The following FMN2 variants were observed in gnomAD, a reference collection of about 807,000 sequenced individuals.
FMN2 encodes formin 2, also known as formin-2.
FMN2 carries 51 observed loss-of-function variants against 142.3 expected under a neutral mutation model. The observed-to-expected ratio is 0.36, with a 90% CI of 0.29 to 0.45. The LOEUF (loss-of-function observed/expected upper bound fraction) is 0.45, where lower values mean the gene tolerates loss of function less well. Ranked by LOEUF, FMN2 falls within the 20% of genes least tolerant of loss-of-function variation. FMN2 has a pLI of 1.00. For missense variants in FMN2, 1,936 were observed against 2,122.8 expected, an observed-to-expected ratio of 0.91 and a Z score of 1.73; for synonymous variants, 882 against 869.8, an observed-to-expected ratio of 1.01 and a Z score of -0.25.
intron 2 of FMN2, among the ~76,000 whole-genome samples, chr1:240,135,608 A>C (rs759681367): frequency 1.3e-5 from 2 of 152,058 alleles, no homozygotes; most frequent in Non-Finnish European, 1.5e-5. Flanking sequence ...GTGAAGTAGA[A>C]GGCTTTCAAT....
chr1:240,234,016 T>C (rs549644826), intron 6 of FMN2, among the ~76,000 whole-genome samples: 23 of 152,306 alleles, frequency 1.5e-4, no homozygotes, highest in South Asian at 6.2e-4. Context: ...GTTGGAAGGA[T>C]AGAATTTTTG....
chr1:240,243,130 G>GA (rs145296927), intron 6 of FMN2, among the ~76,000 whole-genome samples: 59 of 146,384 alleles, frequency 4.0e-4, no homozygotes, highest in South Asian at 6.5e-4. Flanking sequence ...GGAGTAGACC[G>GA]AAAAAAAAAA....
At chr1:240,219,939 G>C (rs1057085084) in intron 6 of FMN2, among the ~76,000 whole-genome samples, 1 of 152,150 alleles carries the variant, frequency 6.6e-6, no homozygotes, top group Non-Finnish European at 1.5e-5. Context: ...GATTAGAAGC[G>C]TGAGCCACCA....
chr1:240,434,983 C>T (rs999990922), intron 15 of FMN2, among the ~76,000 whole-genome samples: 4 of 152,062 alleles, frequency 2.6e-5, no homozygotes, highest in African/African-American at 9.7e-5. Context: ...CTTATTCTTT[C>T]ACCATGGCCA....
intron 14 of FMN2, among the ~76,000 whole-genome samples, chr1:240,367,103 T>G (rs763707375): frequency 1.2e-4 from 19 of 152,200 alleles, no homozygotes; most frequent in Non-Finnish European, 2.2e-4. Context: ...GATTTTATTT[T>G]TTTTAGTTGT....
At chr1:240,400,334 A>C (rs972773737) in intron 15 of FMN2, among the ~76,000 whole-genome samples, 6 of 152,184 alleles carry the variant, frequency 3.9e-5, no homozygotes, top group Non-Finnish European at 5.9e-5. Flanking sequence ...AACTCAGCGC[A>C]ACCGCTGGCC....
intron 2 of FMN2, among the ~76,000 whole-genome samples, chr1:240,123,877 G>A (rs1458796770): frequency 6.6e-6 from 1 of 152,136 alleles, no homozygotes; most frequent in Non-Finnish European, 1.5e-5. Context: ...CTGTCTCTAT[G>A]AATCTGACTA....
chr1:240,323,596 C>A (rs902472471), intron 8 of FMN2, among the ~76,000 whole-genome samples: 3 of 152,192 alleles, frequency 2.0e-5, no homozygotes, highest in Non-Finnish European at 2.9e-5. Flanking sequence ...AAGTTGAGAT[C>A]ATCCACGTGA....
intron 8 of FMN2, among the ~76,000 whole-genome samples, chr1:240,323,329 G>A (rs1480867400): frequency 3.9e-5 from 6 of 151,994 alleles, no homozygotes; most frequent in Non-Finnish European, 8.8e-5. Context: ...CGAGTAGCTG[G>A]GAATACAGGC....
At chr1:240,171,198 T>C in intron 2 of FMN2, 1 of 804,784 alleles carries the variant, frequency 1.2e-6, no homozygotes, top group Non-Finnish European at 2.3e-6. Flanking sequence ...TAAAAGTTGA[T>C]GAATTTGTGA....
rs574277338 is a variant in FMN2 at position 240,472,393 on chromosome 1, G to A, written c.5082G>A (p.Val1694=). ...TCAGAGTAAAAGAAGCCGAAGAGGT[G>A]TGTAGACAGAAGAAAGGAAAATCAC... ...LQERVKEAEE[V]CRQKKGKSLY... Residue 1694 remains valine, a synonymous_variant, in exon 17 of 18, where the codon GTG becomes GTA. Transcript: ENST00000319653. 10 of 1,612,488 alleles carry A rather than the reference G, an allele frequency of 6.2e-6. No homozygotes were observed. Among genetic ancestry groups the A allele is most frequent in the African/African-American group, 2.7e-5 (2 of 75,006 alleles).
intron 3 of FMN2, chr1:240,179,507 T>TAGGAAGGGTTGTTCC (rs1665063925): frequency 6.6e-6 from 1 of 151,332 alleles, no homozygotes; most frequent in African/African-American, 2.4e-5. Context: ...AGAGAGGGTG[T>TAGGAAGGGTTGTTCC]AGGAAGTGTT....
chr1:240,351,902 TATC>T (rs767323661), intron 13 of FMN2, among the ~76,000 whole-genome samples: 1 of 150,068 alleles, frequency 6.7e-6, no homozygotes, highest in Admixed American at 6.6e-5. Context: ...ATGTGTATGA[TATC>T]ATGGATGTGT....
chr1:240,409,675 G>GTATTCAGCAT, intron 15 of FMN2, among the ~76,000 whole-genome samples: 1 of 152,090 alleles, frequency 6.6e-6, no homozygotes, highest in Non-Finnish European at 1.5e-5. Context: ...TGTAATATTT[G>GTATTCAGCAT]TGTAGACTCC....
At chr1:240,098,261 C>G (rs890469021) in intron 1 of FMN2, among the ~76,000 whole-genome samples, 2 of 151,832 alleles carry the variant, frequency 1.3e-5, no homozygotes, top group African/African-American at 4.8e-5. Context: ...ATGACCACAC[C>G]CAGCTAATTT....
chr1:240,440,242 G>GCTTC (rs1298421651), intron 16 of FMN2, among the ~76,000 whole-genome samples: 2 of 152,138 alleles, frequency 1.3e-5, no homozygotes, highest in African/African-American at 4.8e-5. Flanking sequence ...CTGGTGAGAT[G>GCTTC]CTTCCTCAGA....
intron 14 of FMN2, among the ~76,000 whole-genome samples, chr1:240,381,212 C>A (rs1209899856): frequency 1.3e-5 from 2 of 152,060 alleles, no homozygotes; most frequent in East Asian, 3.9e-4. Flanking sequence ...ACAACAGAAA[C>A]AACAGAAAAC....
At chr1:240,314,988 C>T (rs1398497718) in intron 8 of FMN2, among the ~76,000 whole-genome samples, 1 of 152,198 alleles carries the variant, frequency 6.6e-6, no homozygotes, top group East Asian at 1.9e-4. Context: ...TTTCTTCTGA[C>T]ACACATAGAG....
chr1:240,242,529 T>G (rs1266640306), intron 6 of FMN2, among the ~76,000 whole-genome samples: 1 of 152,100 alleles, frequency 6.6e-6, no homozygotes, highest in Non-Finnish European at 1.5e-5. Flanking sequence ...CAGGAGAGAT[T>G]GAAACAACCT....
Sources: allele counts gnomAD v4.1 joint callset (sites outside exome capture counted in the v4.1 genomes callset), GRCh38; gene constraint gnomAD v4.1.1; transcripts MANE v1.5; gene names NCBI Gene and HGNC (gene_info 2026-07-23, HGNC 2026-07-21).